PLA2G6: variants seen among roughly 807,000 people sequenced by gnomAD.
PLA2G6 encodes phospholipase A2 group VI, also known as 85/88 kDa calcium-independent phospholipase A2.
A neutral mutation model predicts 83.8 loss-of-function variants in PLA2G6; 62 were observed. The ratio of observed to expected loss-of-function variants is 0.74; its 90% confidence interval spans 0.60 to 0.91. The LOEUF is 0.91. Among genes scored for constraint, PLA2G6 ranks in the 40% least tolerant of loss-of-function variants. The pLI is 0.00. For missense variants in PLA2G6, 944 were observed against 1,102.0 expected (o/e 0.86, Z 2.03); for synonymous variants, 417 against 449.8 (o/e 0.93, Z 0.92).
intron 12 of PLA2G6, among the ~76,000 whole-genome samples, chr22:38,117,325 G>A (rs918373416): frequency 6.6e-6 from 1 of 152,058 alleles, no homozygotes; most frequent in Admixed American, 6.5e-5. Flanking sequence ...TCCTGCCTCA[G>A]CCTCTCTGAG....
Position 38,133,005 on chromosome 22 carries a change from G to T in PLA2G6, c.903C>A (p.Arg301=), listed in dbSNP as rs1349335318. ...LHWAKNAEMA[R]MLLKRGCNVN... ...CGTTGCAGCCCCGTTTCAGCAGCAT[G>T]CGGGCCATCTGCGGGAGACGGTCAG... The change falls in exon 7 of 17, where the codon CGC becomes CGA. Residue 301 remains arginine, a synonymous_variant. Coordinates refer to ENST00000332509, the MANE Select transcript of PLA2G6 (RefSeq NM_003560.4). 2 of 1,564,028 alleles carry T rather than the reference G, an allele frequency of 1.3e-6. No homozygotes were observed. Among genetic ancestry groups the T allele is most frequent in the Admixed American group, 3.8e-5 (2 of 52,878 alleles).
intron 9 of PLA2G6, among the ~76,000 whole-genome samples, chr22:38,127,916 C>T (rs891565484): frequency 6.6e-5 from 10 of 152,176 alleles, no homozygotes; most frequent in East Asian, 1.9e-4. Flanking sequence ...CCAGAGGGCC[C>T]GGGCCCCCAG....
In PLA2G6 at chr22:38,178,275, A is replaced by C. The variant is rs565900467; in HGVS notation, c.-46+3389T>G. 3.3e-5 allele frequency among the ~76,000 whole-genome samples: 5 copies of C among 152,272 alleles called. No individual in the cohort carries two copies. The South Asian group carries it at 8.3e-4, about 25-fold the overall frequency. ...TTCTAACCGCTGAGGATACAATCGT[A>C]AACAAAACAGACTGGTCAGGCACGG... On this transcript the variant is annotated intron_variant, in intron 1 of 16. Coordinates refer to ENST00000332509, the MANE Select transcript of PLA2G6 (RefSeq NM_003560.4).
chr22:38,113,463 C>A (rs1250401295), intron 15 of PLA2G6, 24 bp downstream of exon 15: 2 of 1,612,596 alleles, frequency 1.2e-6, no homozygotes, highest in Non-Finnish European at 1.7e-6. Context: ...AGGGAAGTGG[C>A]CTGGGGGAGG....
chr22:38,137,933 G>C (rs766531367), intron 5 of PLA2G6: 3 of 152,288 alleles, frequency 2.0e-5, no homozygotes, highest in Non-Finnish European at 4.4e-5. Context: ...GAGGCCGTGG[G>C]ATTCTTGGAG....
At chr22:38,127,280 C>T (rs372786193) in intron 9 of PLA2G6, 23 of 1,245,296 alleles carry the variant, frequency 1.8e-5, no homozygotes, top group East Asian at 1.7e-4. Flanking sequence ...TGAGAGAGGC[C>T]GGGGACAGGG....
At chr22:38,129,658 A>C (rs2145754316) in intron 7 of PLA2G6, 96 bp from the exon 8 acceptor site, 1 of 866,656 alleles carries the variant, frequency 1.2e-6, no homozygotes. Flanking sequence ...CAACTCACCC[A>C]GCGGGCCTCT....
rs371051284 is a variant in PLA2G6 at position 38,123,086 on chromosome 22, C to T, written c.1591+9G>A. 9 of 1,547,840 alleles carry T rather than the reference C, an allele frequency of 5.8e-6. No homozygotes were observed. Among genetic ancestry groups the T allele is most frequent in the East Asian group, 2.4e-5 (1 of 40,934 alleles). On this transcript the variant is annotated intron_variant, in intron 11 of 16. Coordinates refer to ENST00000332509, the MANE Select transcript of PLA2G6 (RefSeq NM_003560.4). This position sits in a 1 kb window ranked among gnomAD's most constrained non-coding sequence, Gnocchi z 4.1. ...CCCGCCTGGCCCCATCCCCAGGGGC[C>T]GCCCTCACTGTGCAGAATGGCCAGG...
chr22:38,112,737 CT>C lies in PLA2G6; in HGVS notation c.2203-161del, dbSNP rs558546898. 1.0e-3 allele frequency: 683 copies of C among 679,506 alleles called. 3 individuals carry two copies. In the African/African-American group the frequency reaches 0.011, roughly 11 times the overall value. The allele number at this position is 679,506 out of a possible 1,614,324, so 42.1% of individuals were successfully genotyped here. A position where few individuals can be genotyped will look rare whatever the true frequency, so the allele number is the denominator to read the frequency against. On this transcript the variant is annotated intron_variant, in intron 15 of 16. Coordinates refer to ENST00000332509, the MANE Select transcript of PLA2G6 (RefSeq NM_003560.4). The stretch of plus-strand genomic sequence containing the variant: ...CAGCAGAGCGGCTCGGGCAAAACCC[CT>C]TCCTGGGACTGCAGGGACTGTCCCA...
intron 7 of PLA2G6, among the ~76,000 whole-genome samples, chr22:38,130,020 C>T (rs2088111940): frequency 6.6e-6 from 1 of 152,192 alleles, no homozygotes. Flanking sequence ...ACACGTGCCC[C>T]TAATGGCAGC....
At chr22:38,116,851 C>CAAAAAAAAAAAAAAAAAAAAA (rs57712042) in intron 12 of PLA2G6, among the ~76,000 whole-genome samples, 6 of 37,658 alleles carry the variant, frequency 1.6e-4, no homozygotes, top group Non-Finnish European at 2.5e-4. Context: ...AACTCCGTCT[C>CAAAAAAAAAAAAAAAAAAAAA]AAAAAAAAAA....
At chr22:38,153,898 G>A (rs1421758467) in intron 2 of PLA2G6, among the ~76,000 whole-genome samples, 1 of 152,178 alleles carries the variant, frequency 6.6e-6, no homozygotes, top group Non-Finnish European at 1.5e-5. Flanking sequence ...CCCAGGCCTG[G>A]CAGTGTTCAG....
intron 11 of PLA2G6, among the ~76,000 whole-genome samples, chr22:38,122,323 T>C (rs1233727776): frequency 3.9e-5 from 6 of 152,020 alleles, no homozygotes; most frequent in Non-Finnish European, 7.4e-5. Flanking sequence ...GTCAGACATG[T>C]TGAGTCCCAG....
chr22:38,171,120 T>G (rs1376063214), intron 1 of PLA2G6, among the ~76,000 whole-genome samples: 1 of 144,746 alleles, frequency 6.9e-6, no homozygotes, highest in Non-Finnish European at 1.5e-5. Context: ...TGCGGTGAGC[T>G]GAGATGGCGC....
intron 10 of PLA2G6, among the ~76,000 whole-genome samples, chr22:38,125,199 T>C (rs1338527334): frequency 7.2e-5 from 11 of 152,196 alleles, no homozygotes; most frequent in East Asian, 3.9e-4. Context: ...CATGTGTATG[T>C]GTGTGCATGC....
intron 4 of PLA2G6, chr22:38,140,529 A>C: frequency 3.6e-6 from 1 of 274,740 alleles, no homozygotes; most frequent in Non-Finnish European, 7.2e-6. Flanking sequence ...ACGTAAAGAG[A>C]AGCACCAGGA....
intron 13 of PLA2G6, 140 bp downstream of exon 13, chr22:38,115,935 C>T (rs2087165013): frequency 6.8e-7 from 1 of 1,474,732 alleles, no homozygotes; most frequent in Non-Finnish European, 9.2e-7. Flanking sequence ...AATCCCTGTC[C>T]TCAGCCAATA....
Position 38,112,518 on chromosome 22 carries a change from G to A in PLA2G6, c.2262C>T (p.Gly754=). The A allele has an allele frequency of 6.4e-7, 1 of 1,555,904 alleles. No individual in the cohort carries two copies. Among genetic ancestry groups the A allele is most frequent in the Non-Finnish European group, 8.7e-7 (1 of 1,150,900 alleles). Reference sequence around the variant, plus strand: ...TGAGCCCTCACCTGAAGTACTGGATGCCGACCATCTCGCACCAGGCCCGTG... The same window carrying A: ...TGAGCCCTCACCTGAAGTACTGGATACCGACCATCTCGCACCAGGCCCGTG... ...DRARAWCEMV[G]IQYFRLNPQL... is the part of the protein sequence containing the mutation. Residue 754 remains glycine (G), a synonymous_variant, in exon 16 of 17, where the codon GGC becomes GGT. Coordinates refer to ENST00000332509, the MANE Select transcript of PLA2G6 (RefSeq NM_003560.4).
intron 11 of PLA2G6, among the ~76,000 whole-genome samples, chr22:38,121,741 GT>G (rs1273868913): frequency 6.6e-6 from 1 of 152,226 alleles, no homozygotes; most frequent in Non-Finnish European, 1.5e-5. Flanking sequence ...GGAAGAAATG[GT>G]CCCTGAAGAA....
Sources: allele counts gnomAD v4.1 joint callset (sites outside exome capture counted in the v4.1 genomes callset), GRCh38; gene constraint gnomAD v4.1.1; non-coding constraint Gnocchi (gnomAD v3.1); transcripts MANE v1.5; gene names NCBI Gene and HGNC (gene_info 2026-07-23, HGNC 2026-07-21).